The following SNRNP70 variants were observed in gnomAD, a reference collection of about 807,000 sequenced individuals.
SNRNP70 encodes U1 small nuclear ribonucleoprotein 70 kDa.
In SNRNP70, 8 loss-of-function variants were observed where a neutral mutation model predicts 50.5. The ratio of observed to expected loss-of-function variants is 0.16; its 90% CI spans 0.09 to 0.29. The LOEUF is 0.29. Ranked by LOEUF, SNRNP70 falls within the 10% of genes least tolerant of loss-of-function variation. SNRNP70 has a pLI of 1.00. For missense variants in SNRNP70, 529 were observed against 663.5 expected (o/e 0.80, Z 2.23); for synonymous variants, 320 against 252.9 (o/e 1.27, Z -2.52).
chr19:49,090,406 C>T, intron 3 of SNRNP70, 53 bp downstream of exon 3: 1 of 1,612,470 alleles, frequency 6.2e-7, no homozygotes, highest in Non-Finnish European at 8.5e-7. Context: ...TCCAGATGAT[C>T]CTTGACACTA....
Position 49,108,561 on chromosome 19 carries a change from GT to G in SNRNP70, c.*120del. The G allele has an allele frequency of 7.8e-7, 1 of 1,289,270 alleles. No homozygotes were observed. The highest frequency in any genetic ancestry group is 1.0e-6 in the Non-Finnish European group (1 of 959,392). The allele number at this position is 1,289,270 out of a possible 1,614,324, so 79.9% of individuals were successfully genotyped here. A position where few individuals can be genotyped will look rare whatever the true frequency, so the allele number is the denominator to read the frequency against. ...TCCTCCAAGGGTAGGTGTCTCATTT[GT>G]TCTGGCCCCTTGGATTTAAAAATAA... is the stretch of plus-strand genomic sequence containing the variant. On this transcript the variant is annotated 3_prime_UTR_variant, in exon 10 of 10. Transcript: ENST00000598441.
rs372991714 is a variant in SNRNP70 at position 49,105,095 on chromosome 19, G to A, written c.577+360G>A. On this transcript the variant is annotated intron_variant, in intron 8 of 9. Transcript: ENST00000598441. ...GCCCAGCTTGGCAGTGACGCATGCTGGGGTTGTAAATGTCACTCGCTCATC... is the reference window on the plus strand; with the variant it reads ...GCCCAGCTTGGCAGTGACGCATGCTAGGGTTGTAAATGTCACTCGCTCATC... Among the ~76,000 whole-genome samples the A allele has an allele frequency of 8.3e-4, 127 of 152,214 alleles. 1 individual carries two copies. The highest frequency in any genetic ancestry group is 3.8e-3 in the Admixed American group (58 of 15,278).
intron 7 of SNRNP70, chr19:49,102,757 G>A (rs939487817): frequency 6.5e-6 from 1 of 153,328 alleles, no homozygotes; most frequent in Non-Finnish European, 1.5e-5. Context: ...GAGGGACCAA[G>A]GGGTAGGCTG....
At chr19:49,100,372 G>A (rs2040567329) in intron 6 of SNRNP70, among the ~76,000 whole-genome samples, 1 of 152,142 alleles carries the variant, frequency 6.6e-6, no homozygotes, top group African/African-American at 2.4e-5. Context: ...TCCCCAAGCT[G>A]TGTGGCCTCA....
intron 4 of SNRNP70, among the ~76,000 whole-genome samples, chr19:49,094,756 CT>C (rs1242747089): frequency 6.6e-6 from 1 of 152,232 alleles, no homozygotes; most frequent in African/African-American, 2.4e-5. Flanking sequence ...ACGGTGCCTC[CT>C]TGCTGAGCGC....
At chr19:49,090,892 C>T (rs80142465) in intron 4 of SNRNP70, among the ~76,000 whole-genome samples, 179 of 152,168 alleles carry the variant, frequency 1.2e-3, no homozygotes, top group African/African-American at 4.2e-3. Context: ...GTTCCATCCC[C>T]TCCACATAGA....
Position 49,107,692 on chromosome 19 carries a change from C to A in SNRNP70, c.645C>A (p.Asp215Glu). Residue 215 changes from aspartate to glutamate, a missense_variant, in exon 9 of 10, where the codon GAC becomes GAA. By Grantham distance (45) the Asp-to-Glu change is conservative. Around this residue, in one of 4 missense-constraint regions of SNRNP70, gnomAD observed 53 missense variants for 78.6 expected, o/e 0.67. Coordinates refer to ENST00000598441, the MANE Select transcript of SNRNP70 (RefSeq NM_003089.6). The surrounding 1 kb of genome is among the most constrained non-coding windows in gnomAD (Gnocchi z 6.0). ...ACATCCGGCATTCAGGCCGCGATGA[C>A]ACCTCCCGCTACGATGAGAGGTAAG... is the stretch of plus-strand genomic sequence containing the variant. ...DVNIRHSGRD[D>E]TSRYDERPGP... 3 of 1,614,074 alleles carry A rather than the reference C, an allele frequency of 1.9e-6. No homozygotes were observed. The highest frequency in any genetic ancestry group is 2.5e-6 in the Non-Finnish European group (3 of 1,180,002).
rs866297308 is a variant in SNRNP70 at position 49,104,374 on chromosome 19, G to C, written c.476-260G>C. The stretch of plus-strand genomic sequence containing the variant: ...GGAGAGGAAGGGCCGGGGAGCCTAG[G>C]GGGTGGCGGGTGAGGGTGGACGTCT... On this transcript the variant is annotated intron_variant, in intron 7 of 9. Transcript: ENST00000598441. The surrounding 1 kb of genome is among the most constrained non-coding windows in gnomAD (Gnocchi z 5.4). The C allele has an allele frequency of 2.4e-5, 11 of 457,708 alleles. No homozygotes were observed. Among genetic ancestry groups the C allele is most frequent in the African/African-American group, 8.1e-5 (4 of 49,344 alleles). The allele number at this position is 457,708 out of a possible 1,614,324, so 28.4% of individuals were successfully genotyped here. A position where few individuals can be genotyped will look rare whatever the true frequency, so the allele number is the denominator to read the frequency against.
chr19:49,089,656 A>ATTTTT lies in SNRNP70; in HGVS notation c.148-615_148-611dup, dbSNP rs71179085. ...GACCATGCTTAGTTTTTGAGACAGGATTTTTTTTTTTTTTTTTTTTTTTTG... is the reference window on the plus strand; with the variant it reads ...GACCATGCTTAGTTTTTGAGACAGGATTTTTTTTTTTTTTTTTTTTTTTTTTTTTG... On this transcript the variant is annotated intron_variant, in intron 2 of 9. Transcript: ENST00000598441. 8.7e-4 allele frequency among the ~76,000 whole-genome samples: 72 copies of ATTTTT among 82,610 alleles called. 3 individuals are homozygous for ATTTTT. The highest frequency in any genetic ancestry group is 1.6e-3 in the East Asian group (4 of 2,440). The allele number at this position is 82,610 out of a possible 152,430, so 54.2% of individuals were successfully genotyped here.
At chr19:49,097,989 C>A (rs3795053) in intron 4 of SNRNP70, among the ~76,000 whole-genome samples, 18 of 152,176 alleles carry the variant, frequency 1.2e-4, no homozygotes, top group Non-Finnish European at 2.6e-4. Context: ...CAGTCTGTGT[C>A]CAGTAGGTGG....
At chr19:49,105,201 G>A (rs572774088) in intron 8 of SNRNP70, among the ~76,000 whole-genome samples, 1 of 152,158 alleles carries the variant, frequency 6.6e-6, no homozygotes, top group East Asian at 1.9e-4. Context: ...CTGTGTGCCG[G>A]GCTTCTAGTT....
In SNRNP70 at chr19:49,085,454, C is replaced by T. The variant is rs949412600; in HGVS notation, c.-193C>T. On this transcript the variant is annotated 5_prime_UTR_variant, in exon 1 of 10. Coordinates refer to ENST00000598441, the MANE Select transcript of SNRNP70 (RefSeq NM_003089.6). ...GCCGGGACCCACCCCCTGCTCCAGT[C>T]GCTATCGGAGGCCGCGCGGGTGGCT... 9.5e-6 allele frequency: 4 copies of T among 422,908 alleles called. No homozygotes were observed. Among genetic ancestry groups the T allele is most frequent in the Middle Eastern group, 3.4e-4 (1 of 2,914 alleles). 26.2% of individuals were successfully genotyped at this position (422,908 alleles called of 1,614,324 possible). A position where few individuals can be genotyped will look rare whatever the true frequency, so the allele number is the denominator to read the frequency against.
In SNRNP70 at chr19:49,108,529, G is replaced by C. The variant is rs1269721737; in HGVS notation, c.*86G>C. ...TCCCCTCCCCCAACCTTGGCCACTTGAGTTTGTCCTCCAAGGGTAGGTGTC... is the reference window on the plus strand; with the variant it reads ...TCCCCTCCCCCAACCTTGGCCACTTCAGTTTGTCCTCCAAGGGTAGGTGTC... On this transcript the variant is annotated 3_prime_UTR_variant, in exon 10 of 10. Transcript: ENST00000598441. 6.7e-7 allele frequency: 1 copy of C among 1,493,522 alleles called. No individual in the cohort carries two copies. Among genetic ancestry groups the C allele is most frequent in the African/African-American group, 1.4e-5 (1 of 71,530 alleles). The allele number at this position is 1,493,522 out of a possible 1,614,324, so 92.5% of individuals were successfully genotyped here.
At chr19:49,092,407 A>AC (rs987998506) in intron 4 of SNRNP70, among the ~76,000 whole-genome samples, 39 of 128,560 alleles carry the variant, frequency 3.0e-4, no homozygotes, top group African/African-American at 1.0e-3. Flanking sequence ...GTGCCTGGTC[A>AC]CCCCCCTCCT....
At chr19:49,094,067 C>T (rs922300265) in intron 4 of SNRNP70, among the ~76,000 whole-genome samples, 4 of 152,016 alleles carry the variant, frequency 2.6e-5, no homozygotes, top group Non-Finnish European at 5.9e-5. Flanking sequence ...CAAAAAAGTT[C>T]CAATTGAGGA....
intron 3 of SNRNP70, 31 bp downstream of exon 3, chr19:49,090,384 T>A (rs1242569191): frequency 6.2e-7 from 1 of 1,613,626 alleles, no homozygotes; most frequent in Non-Finnish European, 8.5e-7. Context: ...GACCCCCTGT[T>A]TTACCACTGT....
chr19:49,094,037 G>A (rs1008536936), intron 4 of SNRNP70, among the ~76,000 whole-genome samples: 14 of 151,506 alleles, frequency 9.2e-5, no homozygotes, highest in African/African-American at 3.1e-4. Context: ...AAACAAACAA[G>A]TAAGTTCCAA....
At chr19:49,093,717 A>G (rs1252788306) in intron 4 of SNRNP70, among the ~76,000 whole-genome samples, 1 of 145,652 alleles carries the variant, frequency 6.9e-6, no homozygotes, top group Non-Finnish European at 1.5e-5. Context: ...GTTCCAGGCC[A>G]GGCACGGAGG....
At chr19:49,090,941 T>C (rs965069332) in intron 4 of SNRNP70, among the ~76,000 whole-genome samples, 1 of 152,162 alleles carries the variant, frequency 6.6e-6, no homozygotes, top group Admixed American at 6.6e-5. Context: ...TTGTTGCCAT[T>C]AACCAAACTC....
Sources: allele counts gnomAD v4.1 joint callset (sites outside exome capture counted in the v4.1 genomes callset), GRCh38; gene constraint gnomAD v4.1.1; regional missense constraint gnomAD v4.1.1; non-coding constraint Gnocchi (gnomAD v3.1); transcripts MANE v1.5; gene names NCBI Gene and HGNC (gene_info 2026-07-23, HGNC 2026-07-21).